Variants in CXCL12 observed in about 807,000 individuals in gnomAD.
CXCL12 encodes C-X-C motif chemokine ligand 12.
A neutral mutation model predicts 10.7 loss-of-function variants in CXCL12; 4 were observed. That is an observed-to-expected ratio of 0.37 (90% CI 0.18 to 0.86). The LOEUF is 0.86. Ranked by LOEUF, CXCL12 falls within the 40% of genes least tolerant of loss-of-function variation. The pLI, the probability that CXCL12 is intolerant of heterozygous loss-of-function variation, is 0.43. For missense variants in CXCL12, 122 were observed against 110.4 expected, an observed-to-expected ratio of 1.10 and a Z score of -0.47; for synonymous variants, 54 against 45.4, an observed-to-expected ratio of 1.19 and a Z score of -0.77.
rs1176920855 is a variant in CXCL12 at position 44,377,915 on chromosome 10, T to C, written c.*718A>G. On this transcript the variant is annotated 3_prime_UTR_variant, in exon 3 of 3. Transcript: ENST00000343575. ...TGCGGCGCTGATCAGGCTACAGAAA[T>C]GAGAAGCAGAAGCAAGATTAAGCAT... 1.9e-6 allele frequency: 3 copies of C among 1,550,322 alleles called. No homozygotes were observed. Among genetic ancestry groups the C allele is most frequent in the Non-Finnish European group, 2.6e-6 (3 of 1,157,180 alleles).
At position 44,380,900 on chromosome 10, in the gene CXCL12, C is replaced by A. The variant is rs760549762; in HGVS notation, c.62-20G>T. ...GCTTCCCTAGAAGAGGTAAGGACAACAAGGCACTTTACTACCCTGCCAGAT... is the reference window on the plus strand; with the variant it reads ...GCTTCCCTAGAAGAGGTAAGGACAAAAAGGCACTTTACTACCCTGCCAGAT... On this transcript the variant is annotated intron_variant, in intron 1 of 2. Transcript: ENST00000343575. The A allele has an allele frequency of 1.5e-5, 24 of 1,606,508 alleles. No homozygotes were observed. The South Asian group carries it at 2.4e-4, about 16-fold the overall frequency.
In CXCL12 at chr10:44,377,736, A is replaced by G. The variant is rs1345977892; in HGVS notation, c.*897T>C. The G allele has an allele frequency of 2.5e-6, 4 of 1,598,378 alleles. No individual in the cohort carries two copies. The South Asian group carries it at 3.3e-5, about 13-fold the overall frequency. ...TGTAAAGACTTGTCTTTTGCGGGTA[A>G]GCAGGGGGACCATTACACATCCCCA... On this transcript the variant is annotated 3_prime_UTR_variant, in exon 3 of 3. Transcript: ENST00000343575.
At chr10:44,370,212 AT>A (rs1310066650) in exon 4 of CXCL12, 1 of 152,188 alleles carries the variant, frequency 6.6e-6, no homozygotes. Context: ...GTGCATATAC[AT>A]TTTTTCATTG....
intron 2 of CXCL12, among the ~76,000 whole-genome samples, chr10:44,379,696 C>T (rs982530816): frequency 7.2e-6 from 1 of 138,740 alleles, no homozygotes; most frequent in Admixed American, 7.1e-5. Context: ...GCATCTTCAA[C>T]TTCAAGGTGC....
In CXCL12 at chr10:44,378,695, C is replaced by T. The variant is rs1839535400; in HGVS notation, c.208G>A (p.Val70Met). Reference protein sequence around the residue: ...VARLKNNNRQVCIDPKLKWIQ... With the variant: ...VARLKNNNRQMCIDPKLKWIQ... ...CACTTTAGCTTCGGGTCAATGCACACTTGTCTGTTGTTGTTCTTCAGCCGG... is the reference window on the plus strand; with the variant it reads ...CACTTTAGCTTCGGGTCAATGCACATTTGTCTGTTGTTGTTCTTCAGCCGG... The change falls in exon 3 of 3, where the codon GTG becomes ATG. Residue 70 changes from valine (V) to methionine (M), a missense_variant. Coordinates refer to ENST00000343575, the MANE Select transcript of CXCL12 (RefSeq NM_199168.4). 4 of 1,614,234 alleles carry T rather than the reference C, an allele frequency of 2.5e-6. No individual in the cohort carries two copies. Among genetic ancestry groups the T allele is most frequent in the East Asian group, 2.2e-5 (1 of 44,880 alleles).
chr10:44,384,846 G>A lies in CXCL12; in HGVS notation c.61+99C>T, dbSNP rs1010107586. On this transcript the variant is annotated intron_variant, in intron 1 of 2. Transcript: ENST00000343575. ...TGCCTCCACCCCCACTGTGTCGGGC[G>A]GCGCAAACTGCGGGCGCAGGCAGAG... The A allele has an allele frequency of 9.0e-6, 11 of 1,226,122 alleles. No homozygotes were observed. The African/African-American group carries it at 1.6e-4, about 18-fold the overall frequency. The allele number at this position is 1,226,122 out of a possible 1,614,324, so 76.0% of individuals were successfully genotyped here.
At chr10:44,376,288 C>T (rs1839446683), downstream of CXCL12, among the ~76,000 whole-genome samples, 1 of 152,242 alleles carries the variant, frequency 6.6e-6, no homozygotes, top group South Asian at 2.1e-4. Flanking sequence ...ATCTGCCAAC[C>T]TGAACCTGAT....
chr10:44,384,803 G>A, intron 1 of CXCL12, 142 bp downstream of exon 1: 1 of 767,126 alleles, frequency 1.3e-6, no homozygotes, highest in Non-Finnish European at 2.0e-6. Context: ...CCGCACCAGA[G>A]CGCCCAGCTA....
chr10:44,380,486 C>T (rs1235692336), intron 2 of CXCL12: 3 of 371,514 alleles, frequency 8.1e-6, no homozygotes, highest in African/African-American at 6.1e-5. Context: ...GTTTCTCCAG[C>T]ATCCAGCTGT....
intron 1 of CXCL12, among the ~76,000 whole-genome samples, chr10:44,383,841 G>A (rs1480119817): frequency 3.9e-5 from 6 of 152,190 alleles, no homozygotes; most frequent in Non-Finnish European, 7.3e-5. Flanking sequence ...CCAAGGGCTC[G>A]AGGCGCGCTG....
chr10:44,373,565 C>T (rs1839372921), downstream of CXCL12, among the ~76,000 whole-genome samples: 1 of 152,228 alleles, frequency 6.6e-6, no homozygotes, highest in Non-Finnish European at 1.5e-5. Context: ...TGGCAGAAAG[C>T]AGAGGACAGA....
downstream of CXCL12, chr10:44,372,959 T>G: frequency 6.5e-7 from 1 of 1,535,978 alleles, no homozygotes; most frequent in Non-Finnish European, 8.7e-7. Context: ...ACCCTAGGGC[T>G]GACCATGGGG....
downstream of CXCL12, chr10:44,376,162 G>A: frequency 6.7e-6 from 6 of 897,494 alleles, no homozygotes; most frequent in Non-Finnish European, 8.6e-6. Flanking sequence ...GGAGGCCCCT[G>A]GTCAAAGCAC....
chr10:44,373,261 G>A (rs1423398012), downstream of CXCL12: 33 of 1,578,450 alleles, frequency 2.1e-5, no homozygotes, highest in Non-Finnish European at 2.8e-5. Context: ...GCTGTGGCAG[G>A]CCCTTCCCTA....
chr10:44,383,394 C>T (rs1361395028), intron 1 of CXCL12, among the ~76,000 whole-genome samples: 3 of 152,044 alleles, frequency 2.0e-5, no homozygotes, highest in Admixed American at 1.3e-4. Flanking sequence ...TGTGCTTCCC[C>T]CAGGTCAGTT....
In CXCL12 at chr10:44,378,685, T is replaced by C. The variant is rs1839535067; in HGVS notation, c.218A>G (p.Asp73Gly). ...CTCCTGAATCCACTTTAGCTTCGGG[T>C]CAATGCACACTTGTCTGTTGTTGTT... The part of the protein sequence containing the change: ...LKNNNRQVCI[D>G]PKLKWIQEYL... The change falls in exon 3 of 3, where the codon GAC becomes GGC. Residue 73 changes from aspartate (D) to glycine (G), a missense_variant. Coordinates refer to ENST00000343575, the MANE Select transcript of CXCL12 (RefSeq NM_199168.4). The C allele has an allele frequency of 6.2e-7, 1 of 1,614,070 alleles. No individual in the cohort carries two copies. Among genetic ancestry groups the C allele is most frequent in the Admixed American group, 1.7e-5 (1 of 60,010 alleles).
chr10:44,371,345 TG>T (rs1839307603), downstream of CXCL12: 1 of 485,238 alleles, frequency 2.1e-6, no homozygotes, highest in South Asian at 1.5e-5. Context: ...GTTCATGGAT[TG>T]GGGGCAGGTA....
Position 44,378,417 on chromosome 10 carries a change from T to C in CXCL12, c.*216A>G. ...AACGTGCACAGGTACAGGGCATGGA[T>C]GAATATAAGCTGCAATATCATACCG... On this transcript the variant is annotated 3_prime_UTR_variant, in exon 3 of 3. Coordinates refer to ENST00000343575, the MANE Select transcript of CXCL12 (RefSeq NM_199168.4). 1 of 1,550,288 alleles carries C rather than the reference T, an allele frequency of 6.5e-7. No homozygotes were observed. The highest frequency in any genetic ancestry group is 8.7e-7 in the Non-Finnish European group (1 of 1,150,714).
rs1839488354 is a variant in CXCL12, at chr10:44,377,437, T to C, written c.*1196A>G. On this transcript the variant is annotated 3_prime_UTR_variant, in exon 3 of 3. Coordinates refer to ENST00000343575, the MANE Select transcript of CXCL12 (RefSeq NM_199168.4). ...CAAAAATATATATAAAAAAATGCCT[T>C]GCAAAAAGTTACAAATACCACCAGG... 7 of 1,144,688 alleles carry C rather than the reference T, an allele frequency of 6.1e-6. No homozygotes were observed. The East Asian group carries it at 2.3e-4, about 38-fold the overall frequency. 70.9% of individuals were successfully genotyped at this position (1,144,688 alleles called of 1,614,324 possible).
Sources: allele counts gnomAD v4.1 joint callset (sites outside exome capture counted in the v4.1 genomes callset), GRCh38; gene constraint gnomAD v4.1.1; transcripts MANE v1.5; gene names NCBI Gene and HGNC (gene_info 2026-07-23, HGNC 2026-07-21).